Variants in CFAP77 observed in about 807,000 individuals in gnomAD.
The protein encoded by CFAP77 is cilia and flagella associated protein 77, also known as cilia- and flagella-associated protein 77.
CFAP77 carries 25 observed loss-of-function variants against 31.1 expected under a neutral mutation model. The observed-to-expected ratio is 0.80, with a 90% CI of 0.59 to 1.12. The LOEUF (loss-of-function observed/expected upper bound fraction) is 1.12, where lower values mean the gene tolerates loss of function less well. Among genes scored for constraint, CFAP77 ranks in the 50% most tolerant of loss-of-function variants. The pLI is 0.00. For synonymous variants in CFAP77, 151 were observed against 159.9 expected (o/e 0.94, Z 0.42); for missense variants, 377 against 397.3 (o/e 0.95, Z 0.44).
At chr9:132,533,446 C>T (rs1018430244) in intron 3 of CFAP77, among the ~76,000 whole-genome samples, 2 of 147,498 alleles carry the variant, frequency 1.4e-5, no homozygotes, top group African/African-American at 2.7e-5. Context: ...CAGCAGGCCC[C>T]GCTCCCTCCC....
In CFAP77 at chr9:132,539,097, T is replaced by A. The variant is rs1852596769; in HGVS notation, c.630+1391T>A. On this transcript the variant is annotated intron_variant, in intron 4 of 5. Coordinates refer to ENST00000393216, the MANE Select transcript of CFAP77 (RefSeq NM_001282957.2). The surrounding 1 kb of genome is among the most constrained non-coding windows in gnomAD (Gnocchi z 4.3). ...GCAAGACTCCGTCTCGATAAAAAAA[T>A]AAATAAATAAAAATAAATAAATAAA... 1.3e-5 allele frequency among the ~76,000 whole-genome samples: 2 copies of A among 151,728 alleles called. No individual in the cohort carries two copies. The highest frequency in any genetic ancestry group is 4.8e-5 in the African/African-American group (2 of 41,286).
At position 132,431,944 on chromosome 9, in the gene CFAP77, A is replaced by G. The variant is rs527931287; in HGVS notation, c.195+21478A>G. Among the ~76,000 whole-genome samples the G allele has an allele frequency of 1.0e-3, 157 of 152,314 alleles. 1 individual carries two copies. Among genetic ancestry groups the G allele is most frequent in the African/African-American group, 3.6e-3 (151 of 41,574 alleles). ...TATCCTCCCGAGTAGCTGGGATTCC[A>G]GGTGTGAGCCACCACTCCTGGCTAT... On this transcript the variant is annotated intron_variant, in intron 1 of 5. Transcript: ENST00000393216.
chr9:132,482,082 G>C (rs1851457615), intron 1 of CFAP77, among the ~76,000 whole-genome samples: 1 of 151,858 alleles, frequency 6.6e-6, no homozygotes, highest in African/African-American at 2.4e-5. Context: ...GATCCCTGCA[G>C]CTGTCAAAAC....
intron 1 of CFAP77, among the ~76,000 whole-genome samples, chr9:132,465,090 A>G (rs545574518): frequency 1.7e-3 from 242 of 146,644 alleles, no homozygotes; most frequent in South Asian, 6.7e-3. Context: ...AAAAAAAAAA[A>G]AAAGAAAAAA....
intron 5 of CFAP77, among the ~76,000 whole-genome samples, chr9:132,569,331 G>A (rs1386720990): frequency 1.3e-5 from 2 of 151,952 alleles, no homozygotes; most frequent in African/African-American, 4.8e-5. Context: ...CCTTGAGCCC[G>A]AGAGTTTGAG....
intron 3 of CFAP77, among the ~76,000 whole-genome samples, chr9:132,524,607 T>G (rs1427287273): frequency 6.7e-6 from 1 of 149,890 alleles, no homozygotes; most frequent in Non-Finnish European, 1.5e-5. Flanking sequence ...AGCAAGGCTC[T>G]GTCTCAAAAA....
At chr9:132,569,586 C>T (rs1257569553) in intron 5 of CFAP77, among the ~76,000 whole-genome samples, 1 of 152,086 alleles carries the variant, frequency 6.6e-6, no homozygotes, top group Non-Finnish European at 1.5e-5. Flanking sequence ...GACTGGCCAC[C>T]AGAGACAGCA....
intron 1 of CFAP77, among the ~76,000 whole-genome samples, chr9:132,448,950 C>T (rs1208286212): frequency 6.6e-6 from 1 of 152,042 alleles, no homozygotes; most frequent in Non-Finnish European, 1.5e-5. Flanking sequence ...AGGACCGTGC[C>T]TCTAGAATAA....
intron 3 of CFAP77, among the ~76,000 whole-genome samples, chr9:132,510,727 G>A (rs1350415946): frequency 6.6e-6 from 1 of 152,144 alleles, no homozygotes; most frequent in Non-Finnish European, 1.5e-5. Flanking sequence ...AGAGCTGCAC[G>A]CTGGGCCCCA....
chr9:132,449,237 C>T, intron 1 of CFAP77, among the ~76,000 whole-genome samples: 1 of 152,068 alleles, frequency 6.6e-6, no homozygotes. Context: ...AACAATTTCC[C>T]CACCCAAAGA....
intron 1 of CFAP77, among the ~76,000 whole-genome samples, chr9:132,456,443 G>A (rs1302204305): frequency 2.0e-5 from 3 of 152,148 alleles, no homozygotes; most frequent in Admixed American, 1.3e-4. Flanking sequence ...CCAGGCATGC[G>A]GTCAGACTCC....
rs1589887910 is a variant in CFAP77 at position 132,498,597 on chromosome 9, G to A, written c.196-98G>A. ...CCTGAAGGCCACGGCAGGGCCTGGG[G>A]GAAATGCAGGCATCTGGTGCCTCCC... On this transcript the variant is annotated intron_variant, in intron 1 of 5. Transcript: ENST00000393216. This position sits in a 1 kb window ranked among gnomAD's most constrained non-coding sequence, Gnocchi z 4.2. The A allele has an allele frequency of 1.1e-6, 1 of 901,464 alleles. No homozygotes were observed. Among genetic ancestry groups the A allele is most frequent in the East Asian group, 2.6e-5 (1 of 37,882 alleles). The allele number at this position is 901,464 out of a possible 1,614,324, so 55.8% of individuals were successfully genotyped here.
At chr9:132,542,860 C>T (rs1852668765) in intron 4 of CFAP77, 86 bp from the exon 5 acceptor site, 1 of 1,082,060 alleles carries the variant, frequency 9.2e-7, no homozygotes, top group South Asian at 1.3e-5. Flanking sequence ...CCAAGAATCC[C>T]AGCCCTCTGT....
intron 1 of CFAP77, among the ~76,000 whole-genome samples, chr9:132,435,221 G>A (rs896013424): frequency 6.6e-6 from 1 of 152,138 alleles, no homozygotes; most frequent in African/African-American, 2.4e-5. Flanking sequence ...TCCTCTCCCC[G>A]TGAAGGCTAA....
intron 1 of CFAP77, among the ~76,000 whole-genome samples, chr9:132,418,925 T>C (rs571065054): frequency 1.5e-4 from 23 of 152,348 alleles, no homozygotes; most frequent in South Asian, 1.2e-3. Flanking sequence ...CAGGGCCCCA[T>C]CACAGACTCT....
At chr9:132,563,002 T>G (rs114510132) in intron 5 of CFAP77, among the ~76,000 whole-genome samples, 1 of 150,668 alleles carries the variant, frequency 6.6e-6, no homozygotes, top group East Asian at 2.0e-4. Context: ...CTGGCCGCAA[T>G]TGGGGTTTTT....
chr9:132,547,135 C>T (rs1852745793), intron 5 of CFAP77, among the ~76,000 whole-genome samples: 1 of 152,208 alleles, frequency 6.6e-6, no homozygotes, highest in Non-Finnish European at 1.5e-5. Flanking sequence ...TAGAGACGCT[C>T]CCCTGCCCTT....
At chr9:132,477,811 C>T (rs1486058404) in intron 1 of CFAP77, among the ~76,000 whole-genome samples, 5 of 152,220 alleles carry the variant, frequency 3.3e-5, no homozygotes, top group East Asian at 1.9e-4. Flanking sequence ...TAGGCTCAGA[C>T]GGGCAGCCTA....
At chr9:132,477,844 G>A (rs972450211) in intron 1 of CFAP77, among the ~76,000 whole-genome samples, 1 of 152,186 alleles carries the variant, frequency 6.6e-6, no homozygotes, top group Non-Finnish European at 1.5e-5. Context: ...CTCTGAGTCT[G>A]GACCAGCATT....
Sources: gnomAD v4.1 joint callset for allele counts (sites outside exome capture counted in the v4.1 genomes callset) on GRCh38, gnomAD v4.1.1 for gene constraint, Gnocchi (gnomAD v3.1) non-coding constraint, MANE v1.5 for transcripts, NCBI Gene and HGNC (gene_info 2026-07-23, HGNC 2026-07-21) for gene names.